Variants in PRDM16 observed in about 807,000 individuals in gnomAD.
PRDM16 encodes histone-lysine N-methyltransferase PRDM16.
PRDM16 carries 23 observed loss-of-function variants against 110.6 expected under a neutral mutation model. The ratio of observed to expected loss-of-function variants is 0.21; its 90% CI spans 0.15 to 0.29. The LOEUF is 0.29. PRDM16 is among the 10% of genes least tolerant of loss of function. PRDM16 has a pLI of 1.00. For missense variants in PRDM16, 1,615 were observed against 1,794.3 expected (o/e 0.90, Z 1.81); for synonymous variants, 799 against 781.8 (o/e 1.02, Z -0.37).
At chr1:3,404,677 G>T in intron 6 of PRDM16, 62 bp from the exon 7 acceptor site, 1 of 1,598,670 alleles carries the variant, frequency 6.3e-7, no homozygotes, top group Non-Finnish European at 8.5e-7. Flanking sequence ...GTATGGTTGG[G>T]GTCCCCTCCC....
chr1:3,092,354 C>T (rs12239498), intron 1 of PRDM16, among the ~76,000 whole-genome samples: 104 of 152,140 alleles, frequency 6.8e-4, no homozygotes, highest in African/African-American at 2.4e-3. Flanking sequence ...GGCAAAGGCA[C>T]CCGGTCCTGC....
At chr1:3,087,190 C>T (rs1480707423) in intron 1 of PRDM16, among the ~76,000 whole-genome samples, 1 of 150,894 alleles carries the variant, frequency 6.6e-6, no homozygotes, top group Non-Finnish European at 1.5e-5. Context: ...GAGACCAGCC[C>T]CACCCGAGAC....
intron 1 of PRDM16, among the ~76,000 whole-genome samples, chr1:3,144,840 G>A (rs1329206218): frequency 6.6e-6 from 1 of 152,174 alleles, no homozygotes; most frequent in Admixed American, 6.5e-5. Context: ...AGTCACCTTG[G>A]GTCAGGGGGC....
At chr1:3,160,181 A>C (rs1261780888) in intron 1 of PRDM16, among the ~76,000 whole-genome samples, 1 of 152,146 alleles carries the variant, frequency 6.6e-6, no homozygotes, top group African/African-American at 2.4e-5. Flanking sequence ...CCCTGTGGGG[A>C]CCAGCCCCTG....
intron 1 of PRDM16, among the ~76,000 whole-genome samples, chr1:3,164,121 C>T (rs1643923520): frequency 6.6e-6 from 1 of 152,266 alleles, no homozygotes; most frequent in Non-Finnish European, 1.5e-5. Flanking sequence ...CCATCAACTT[C>T]CAGAGGCCGC....
chr1:3,351,074 C>T (rs996816524), intron 3 of PRDM16, among the ~76,000 whole-genome samples: 1 of 152,224 alleles, frequency 6.6e-6, no homozygotes, highest in African/African-American at 2.4e-5. Context: ...ATCCCCGTGT[C>T]CTGGGAATGG....
chr1:3,256,162 G>A (rs1372883053), intron 3 of PRDM16, among the ~76,000 whole-genome samples: 1 of 152,202 alleles, frequency 6.6e-6, no homozygotes, highest in Non-Finnish European at 1.5e-5. Flanking sequence ...AAACTGGCCT[G>A]ACCCAACCAG....
At chr1:3,295,112 C>T (rs1570011832) in intron 3 of PRDM16, among the ~76,000 whole-genome samples, 2 of 152,190 alleles carry the variant, frequency 1.3e-5, no homozygotes, top group African/African-American at 2.4e-5. Context: ...CCTCCCAGGG[C>T]ACCCAGGTTG....
At chr1:3,349,795 C>A (rs1642444904) in intron 3 of PRDM16, among the ~76,000 whole-genome samples, 1 of 152,268 alleles carries the variant, frequency 6.6e-6, no homozygotes, top group African/African-American at 2.4e-5. Flanking sequence ...GAGGCCTGAG[C>A]TCTGCTGGCC....
At position 3,069,519 on chromosome 1, in the gene PRDM16, C is replaced by T. The variant is rs1363360578; in HGVS notation, c.37+223C>T. Among the ~76,000 whole-genome samples, 2 of 147,842 alleles carry T rather than the reference C, an allele frequency of 1.4e-5. No homozygotes were observed. The highest frequency in any genetic ancestry group is 3.0e-5 in the Non-Finnish European group (2 of 66,374). On this transcript the variant is annotated intron_variant, in intron 1 of 16. Coordinates refer to ENST00000270722, the MANE Select transcript of PRDM16 (RefSeq NM_022114.4). The surrounding 1 kb of genome is among the most constrained non-coding windows in gnomAD (Gnocchi z 6.1). ...CCGGGCCGCGCGCTCCCCGAAGGCGCCGGCCCCCTCCCCGCGGAACCCCCT... is the reference window on the plus strand; with the variant it reads ...CCGGGCCGCGCGCTCCCCGAAGGCGTCGGCCCCCTCCCCGCGGAACCCCCT...
Position 3,288,526 on chromosome 1 carries a change from G to A in PRDM16, c.438+44389G>A, listed in dbSNP as rs117369939. Among the ~76,000 whole-genome samples the A allele has an allele frequency of 4.7e-3, 719 of 152,292 alleles. 11 individuals carry two copies. In the East Asian group the frequency reaches 0.059, roughly 12 times the overall value. On this transcript the variant is annotated intron_variant, in intron 3 of 16. Transcript: ENST00000270722. ...TTGAGACCTGAGCCTGTGGCCAGGA[G>A]TGGTGGCAAAAGGGTCCTGTGGGCC...
intron 3 of PRDM16, among the ~76,000 whole-genome samples, chr1:3,367,169 T>C (rs868065503): frequency 1.1e-4 from 16 of 151,992 alleles, no homozygotes; most frequent in African/African-American, 3.6e-4. Flanking sequence ...CTGGGGAGGC[T>C]GAGGCAGGAG....
rs1261959605 is a variant in PRDM16 at position 3,190,838 on chromosome 1, C to CTGTTTAT, written c.387+4366_387+4372dup. Among the ~76,000 whole-genome samples the CTGTTTAT allele has an allele frequency of 2.6e-5, 4 of 152,248 alleles. No homozygotes were observed. Among genetic ancestry groups the CTGTTTAT allele is most frequent in the Non-Finnish European group, 5.9e-5 (4 of 68,038 alleles). ...GTAAATCATGACATTTATCATCATG[C>CTGTTTAT]TGTTTATTTTGCTAATTAAGAGGCG... On this transcript the variant is annotated intron_variant, in intron 2 of 16. Coordinates refer to ENST00000270722, the MANE Select transcript of PRDM16 (RefSeq NM_022114.4). The surrounding 1 kb of genome is among the most constrained non-coding windows in gnomAD (Gnocchi z 5.0).
At position 3,081,778 on chromosome 1, in the gene PRDM16, G is replaced by A. The variant is rs1642035053; in HGVS notation, c.37+12482G>A. Among the ~76,000 whole-genome samples the A allele has an allele frequency of 6.6e-6, 1 of 151,756 alleles. No individual in the cohort carries two copies. The highest frequency in any genetic ancestry group is 6.6e-5 in the Admixed American group (1 of 15,264). On this transcript the variant is annotated intron_variant, in intron 1 of 16. Transcript: ENST00000270722. This position sits in a 1 kb window ranked among gnomAD's most constrained non-coding sequence, Gnocchi z 4.6. ...GAGGCCCCCATGGAAGGCCCGTGTT[G>A]GGGGACCTTCCATGGGCAGCAGGGC...
intron 4 of PRDM16, among the ~76,000 whole-genome samples, chr1:3,394,309 G>A (rs1378424499): frequency 6.6e-6 from 1 of 151,832 alleles, no homozygotes; most frequent in Admixed American, 6.5e-5. Flanking sequence ...GATCCCGGGA[G>A]GCTCGGAGGC....
In PRDM16 at chr1:3,236,659, G is replaced by A. The variant is rs1485650682; in HGVS notation, c.388-7428G>A. On this transcript the variant is annotated intron_variant, in intron 2 of 16. Coordinates refer to ENST00000270722, the MANE Select transcript of PRDM16 (RefSeq NM_022114.4). ...AAAGGGGCTGCCCAGCCCTGCCCTCGGTGTGCACCACCTACTCAGGGTCCA... is the reference window on the plus strand; with the variant it reads ...AAAGGGGCTGCCCAGCCCTGCCCTCAGTGTGCACCACCTACTCAGGGTCCA... Among the ~76,000 whole-genome samples, 5 of 152,322 alleles carry A rather than the reference G, an allele frequency of 3.3e-5. No homozygotes were observed. In the East Asian group the frequency reaches 7.7e-4, roughly 24 times the overall value.
At chr1:3,191,975 G>A (rs558570239) in intron 2 of PRDM16, among the ~76,000 whole-genome samples, 3 of 152,272 alleles carry the variant, frequency 2.0e-5, no homozygotes, top group South Asian at 4.1e-4. Flanking sequence ...TGGCAGGAGG[G>A]GCAATGGCAA....
intron 3 of PRDM16, among the ~76,000 whole-genome samples, chr1:3,372,209 C>T (rs1569596339): frequency 1.3e-5 from 2 of 152,236 alleles, no homozygotes; most frequent in Admixed American, 6.5e-5. Flanking sequence ...TGGTAGGTTC[C>T]TCAGCCTGTC....
intron 1 of PRDM16, among the ~76,000 whole-genome samples, chr1:3,162,080 C>T (rs565478940): frequency 6.6e-6 from 1 of 152,300 alleles, no homozygotes; most frequent in South Asian, 2.1e-4. Context: ...ACCCCAAAAC[C>T]ACACATGGGC....
Sources: allele counts gnomAD v4.1 joint callset (sites outside exome capture counted in the v4.1 genomes callset), GRCh38; gene constraint gnomAD v4.1.1; non-coding constraint Gnocchi (gnomAD v3.1); transcripts MANE v1.5; gene names NCBI Gene and HGNC (gene_info 2026-07-23, HGNC 2026-07-21).